The following MTMR6 variants were observed in gnomAD, a reference collection of about 807,000 sequenced individuals.
MTMR6 encodes myotubularin related protein 6, also known as phosphatidylinositol-3,5-bisphosphate 3-phosphatase MTMR6.
MTMR6 carries 47 observed loss-of-function variants against 80.1 expected under a neutral mutation model. That is an observed-to-expected ratio of 0.59 (90% CI 0.46 to 0.75). The LOEUF is 0.75. MTMR6 is among the 30% of genes least tolerant of loss of function. The pLI, the probability that MTMR6 is intolerant of heterozygous loss-of-function variation, is 0.00. For synonymous variants in MTMR6, 254 were observed against 253.0 expected, an observed-to-expected ratio of 1.00 and a Z score of -0.04; for missense variants, 629 against 730.9, an observed-to-expected ratio of 0.86 and a Z score of 1.61.
At chr13:25,285,391 C>T (rs974659048) in intron 1 of MTMR6, among the ~76,000 whole-genome samples, 4 of 22,176 alleles carry the variant, frequency 1.8e-4, no homozygotes, top group Admixed American at 3.6e-4. Flanking sequence ...TCTTTTCCGC[C>T]CCCCCCCCCC....
intron 1 of MTMR6, among the ~76,000 whole-genome samples, chr13:25,276,444 G>T (rs1348128877): frequency 6.6e-6 from 1 of 152,182 alleles, no homozygotes. Context: ...TAAATAGGAA[G>T]TTTGCTTTAA....
intron 1 of MTMR6, among the ~76,000 whole-genome samples, chr13:25,277,923 T>C (rs1957760238): frequency 6.6e-6 from 1 of 152,196 alleles, no homozygotes; most frequent in Non-Finnish European, 1.5e-5. Flanking sequence ...CCCTTAGTTT[T>C]ATATGCAAAA....
At chr13:25,252,620 G>T (rs948871572) in intron 11 of MTMR6, among the ~76,000 whole-genome samples, 1 of 152,192 alleles carries the variant, frequency 6.6e-6, no homozygotes, top group African/African-American at 2.4e-5. Context: ...ACCCATAGGT[G>T]TGTCTTGGAG....
At chr13:25,282,662 G>A (rs758347447) in intron 1 of MTMR6, among the ~76,000 whole-genome samples, 14 of 148,652 alleles carry the variant, frequency 9.4e-5, no homozygotes, top group Non-Finnish European at 1.3e-4. Context: ...GCTGGATGCC[G>A]TGGCACGATC....
Position 25,249,070 on chromosome 13 carries a change from T to C in MTMR6, c.*162A>G. 1 of 668,974 alleles carries C rather than the reference T, an allele frequency of 1.5e-6. No individual in the cohort carries two copies. Among genetic ancestry groups the C allele is most frequent in the Non-Finnish European group, 2.4e-6 (1 of 410,850 alleles). 41.4% of individuals were successfully genotyped at this position (668,974 alleles called of 1,614,324 possible). On this transcript the variant is annotated 3_prime_UTR_variant, in exon 14 of 14. Coordinates refer to ENST00000381801, the MANE Select transcript of MTMR6 (RefSeq NM_004685.5). ...TGCTGGAAATGCAATTAAAATGACT[T>C]ATTTCTCTCACAAGGGTAGTTATTA...
chr13:25,261,996 A>G (rs574059351), intron 5 of MTMR6, among the ~76,000 whole-genome samples, 194 bp from the exon 6 acceptor site: 1 of 152,314 alleles, frequency 6.6e-6, no homozygotes, highest in South Asian at 2.1e-4. Context: ...TTCTATTCTC[A>G]TAAGAAAACT....
Position 25,249,409 on chromosome 13 carries a change from G to T in MTMR6, c.1689C>A (p.Asn563Lys). ...LLHSVHPESPNLKTSLCFKEQ... is the reference protein window; with the variant it reads ...LLHSVHPESPKLKTSLCFKEQ... ...CTTTAAAACACAGGGAAGTTTTGAGGTTAGGTGATTCAGGATGAACTGAAT... is the reference window on the plus strand; with the variant it reads ...CTTTAAAACACAGGGAAGTTTTGAGTTTAGGTGATTCAGGATGAACTGAAT... The change falls in exon 14 of 14, where the codon AAC (asparagine) becomes AAA (lysine). Residue 563 changes from asparagine to lysine, a missense_variant. Transcript: ENST00000381801. The T allele has an allele frequency of 6.2e-7, 1 of 1,614,124 alleles. No individual in the cohort carries two copies. The highest frequency in any genetic ancestry group is 2.2e-5 in the East Asian group (1 of 44,880).
Position 25,257,848 on chromosome 13 carries a change from G to A in MTMR6, c.860-3C>T. 1 of 1,599,908 alleles carries A rather than the reference G, an allele frequency of 6.3e-7. No individual in the cohort carries two copies. Among genetic ancestry groups the A allele is most frequent in the Non-Finnish European group, 8.6e-7 (1 of 1,169,496 alleles). Reference sequence around the variant, plus strand: ...AGAAAGCCCTTTAGTGCCATTGACTGAAAGAGGTATAAAAATATTTCAATT... The same window carrying A: ...AGAAAGCCCTTTAGTGCCATTGACTAAAAGAGGTATAAAAATATTTCAATT... On this transcript the variant is annotated splice_polypyrimidine_tract_variant and splice_region_variant and intron_variant, in intron 7 of 13. Transcript: ENST00000381801.
At chr13:25,271,672 T>G (rs1957579064) in intron 2 of MTMR6, among the ~76,000 whole-genome samples, 1 of 152,242 alleles carries the variant, frequency 6.6e-6, no homozygotes, top group African/African-American at 2.4e-5. Context: ...ACTATGTATT[T>G]TACTTATCTA....
Position 25,254,343 on chromosome 13 carries a change from T to C in MTMR6, c.1145+42A>G, listed in dbSNP as rs770916797. ...ACATTTTGGCATTCTAAACTTGGTT[T>C]ACTAATTTTATAAAATATATGACTG... On this transcript the variant is annotated intron_variant, in intron 10 of 13. Transcript: ENST00000381801. The C allele has an allele frequency of 1.1e-5, 15 of 1,419,674 alleles. No individual in the cohort carries two copies. The East Asian group carries it at 2.5e-4, about 24-fold the overall frequency. 87.9% of individuals were successfully genotyped at this position (1,419,674 alleles called of 1,614,324 possible). A position where few individuals can be genotyped will look rare whatever the true frequency, so the allele number is the denominator to read the frequency against.
chr13:25,255,764 C>T (rs180957901), intron 9 of MTMR6, among the ~76,000 whole-genome samples: 1 of 152,274 alleles, frequency 6.6e-6, no homozygotes, highest in Admixed American at 6.5e-5. Flanking sequence ...CCTCATGATC[C>T]ACCCGCCTTG....
intron 2 of MTMR6, among the ~76,000 whole-genome samples, chr13:25,268,404 G>C (rs146695238): frequency 1.1e-4 from 16 of 152,186 alleles, no homozygotes; most frequent in Admixed American, 2.6e-4. Flanking sequence ...TCCCTCTCCC[G>C]ATCACTGACT....
At chr13:25,275,102 A>G (rs544633150) in intron 1 of MTMR6, among the ~76,000 whole-genome samples, 1 of 152,198 alleles carries the variant, frequency 6.6e-6, no homozygotes, top group South Asian at 2.1e-4. Context: ...TCCTTACGAA[A>G]AAAAGTGAAA....
At chr13:25,286,318 C>A (rs1957953531) in intron 1 of MTMR6, among the ~76,000 whole-genome samples, 1 of 152,136 alleles carries the variant, frequency 6.6e-6, no homozygotes, top group South Asian at 2.1e-4. Context: ...TTAAGATGGG[C>A]AGCAACTAAA....
Position 25,253,941 on chromosome 13 carries a change from G to A in MTMR6, c.1169C>T (p.Pro390Leu). 6.2e-7 allele frequency: 1 copy of A among 1,614,090 alleles called. No individual in the cohort carries two copies. The highest frequency in any genetic ancestry group is 8.5e-7 in the Non-Finnish European group (1 of 1,180,010). The stretch of plus-strand genomic sequence containing the variant: ...AGTAAACACTGGTGAGACTTCCTTT[G>A]GGTCACCATCCAACTGGCCACACCT... ...SERCGQLDGD[P>L]KEVSPVFTQF... Residue 390 changes from proline (P) to leucine (L), a missense_variant, in exon 11 of 14, where the codon CCA becomes CTA. Coordinates refer to ENST00000381801, the MANE Select transcript of MTMR6 (RefSeq NM_004685.5).
chr13:25,249,215 GAA>G lies in MTMR6; in HGVS notation c.*15_*16del, dbSNP rs766351204. On this transcript the variant is annotated 3_prime_UTR_variant, in exon 14 of 14. Transcript: ENST00000381801. ...CTTTTCTTGTACTGCAATCATTGCA[GAA>G]AAAACTCTATGAGTCTAACAAGTCA... is the stretch of plus-strand genomic sequence containing the variant. 2 of 1,606,064 alleles carry G rather than the reference GAA, an allele frequency of 1.2e-6. No homozygotes were observed. The highest frequency in any genetic ancestry group is 1.7e-6 in the Non-Finnish European group (2 of 1,174,496).
At chr13:25,252,794 A>G (rs1957119013) in intron 11 of MTMR6, among the ~76,000 whole-genome samples, 1 of 152,182 alleles carries the variant, frequency 6.6e-6, no homozygotes, top group African/African-American at 2.4e-5. Context: ...TGTAACATAG[A>G]GCTAAAGCCT....
chr13:25,253,271 G>A (rs1167685046), intron 11 of MTMR6, among the ~76,000 whole-genome samples: 3 of 152,196 alleles, frequency 2.0e-5, no homozygotes, highest in Non-Finnish European at 4.4e-5. Flanking sequence ...GTTTAGAAAT[G>A]TGGGGAGAGC....
chr13:25,254,749 A>G (rs1957159611), intron 9 of MTMR6, among the ~76,000 whole-genome samples: 1 of 152,210 alleles, frequency 6.6e-6, no homozygotes, highest in South Asian at 2.1e-4. Flanking sequence ...TGAAGATGAT[A>G]TATCATAGGA....
Sources: allele counts gnomAD v4.1 joint callset (sites outside exome capture counted in the v4.1 genomes callset), GRCh38; gene constraint gnomAD v4.1.1; transcripts MANE v1.5; gene names NCBI Gene and HGNC (gene_info 2026-07-23, HGNC 2026-07-21).